THRAP3: variants seen among roughly 807,000 people sequenced by gnomAD.
THRAP3 encodes thyroid hormone receptor-associated protein 3.
Under a neutral mutation model 101.0 loss-of-function variants are expected in THRAP3, and 16 were observed. The ratio of observed to expected loss-of-function variants is 0.16; its 90% confidence interval spans 0.11 to 0.24. The LOEUF (loss-of-function observed/expected upper bound fraction) is 0.24, where lower values mean the gene tolerates loss of function less well. THRAP3 is among the 10% of genes least tolerant of loss of function. The probability of loss-of-function intolerance (pLI) is 1.00; values close to 1 mark genes in which losing one functional copy is unlikely to be tolerated. For synonymous variants in THRAP3, 407 were observed against 422.6 expected (o/e 0.96, Z 0.45); for missense variants, 989 against 1,202.7 (o/e 0.82, Z 2.63).
At chr1:36,292,256 C>CTGTTTTTTTTTTT (rs1645881325) in intron 6 of THRAP3, among the ~76,000 whole-genome samples, 1 of 54,534 alleles carries the variant, frequency 1.8e-5, no homozygotes, top group African/African-American at 5.6e-5. Flanking sequence ...TAATGTGTTT[C>CTGTTTTTTTTTTT]TTTGTTTCTT....
chr1:36,242,593 C>G (rs1387394168), intron 1 of THRAP3, among the ~76,000 whole-genome samples: 1 of 151,884 alleles, frequency 6.6e-6, no homozygotes, highest in African/African-American at 2.4e-5. Flanking sequence ...GCTGGGACTA[C>G]AGGCGCCAGC....
chr1:36,208,730 G>T, the THRAP3 span, among the ~76,000 whole-genome samples: 1 of 151,816 alleles, frequency 6.6e-6, no homozygotes, highest in Non-Finnish European at 1.5e-5. Context: ...GCAGTGGCAC[G>T]ATCTCGCCTC....
At chr1:36,244,722 GT>G (rs571871133) in intron 1 of THRAP3, among the ~76,000 whole-genome samples, 251 of 142,030 alleles carry the variant, frequency 1.8e-3, no homozygotes, top group African/African-American at 2.3e-3. Context: ...TTACTTGTGG[GT>G]TTTTTTTTTT....
chr1:36,240,675 C>A (rs1557810696), intron 1 of THRAP3, among the ~76,000 whole-genome samples: 1 of 152,120 alleles, frequency 6.6e-6, no homozygotes, highest in Non-Finnish European at 1.5e-5. Context: ...ACCATCACAG[C>A]CCTTAACATT....
intron 2 of THRAP3, among the ~76,000 whole-genome samples, chr1:36,281,118 G>A (rs917726597): frequency 1.3e-5 from 2 of 151,946 alleles, no homozygotes; most frequent in Non-Finnish European, 1.5e-5. Flanking sequence ...TGTTGGCCAC[G>A]CTGGTCTTGA....
At chr1:36,272,373 A>T (rs1645603163) in intron 2 of THRAP3, among the ~76,000 whole-genome samples, 1 of 152,212 alleles carries the variant, frequency 6.6e-6, no homozygotes, top group South Asian at 2.1e-4. Flanking sequence ...ATAGCAGAGT[A>T]CATGTCATGA....
the THRAP3 span, among the ~76,000 whole-genome samples, chr1:36,214,783 C>T: frequency 1.3e-5 from 2 of 151,324 alleles, no homozygotes; most frequent in Admixed American, 6.6e-5. Flanking sequence ...CGCTTGAACC[C>T]GGGAGGTGGA....
intron 2 of THRAP3, among the ~76,000 whole-genome samples, chr1:36,278,579 T>C (rs1433768295): frequency 6.6e-6 from 1 of 152,146 alleles, no homozygotes; most frequent in East Asian, 1.9e-4. Flanking sequence ...AACAAATTCT[T>C]TCTCCTAGTG....
intron 5 of THRAP3, among the ~76,000 whole-genome samples, 181 bp downstream of exon 5, chr1:36,289,945 A>AG (rs1645844711): frequency 6.6e-6 from 1 of 152,080 alleles, no homozygotes; most frequent in African/African-American, 2.4e-5. Flanking sequence ...GTGCTTTTGA[A>AG]GGGGGGCAGT....
chr1:36,224,205 C>G (rs926050759), upstream of THRAP3, among the ~76,000 whole-genome samples: 13 of 152,256 alleles, frequency 8.5e-5, no homozygotes, highest in African/African-American at 2.4e-4. Context: ...TCCTCCATCT[C>G]CAGGCCACCC....
intron 8 of THRAP3, chr1:36,294,272 C>A: frequency 9.8e-7 from 1 of 1,016,818 alleles, no homozygotes; most frequent in Non-Finnish European, 1.2e-6. Flanking sequence ...TGTATACATG[C>A]ACTATTTCCA....
chr1:36,222,957 C>G (rs1006455386), upstream of THRAP3, among the ~76,000 whole-genome samples: 1 of 151,948 alleles, frequency 6.6e-6, no homozygotes, highest in African/African-American at 2.4e-5. Context: ...GGCGAAACCC[C>G]GTCTCCACAA....
At chr1:36,268,613 C>T (rs1295622529) in intron 2 of THRAP3, among the ~76,000 whole-genome samples, 2 of 152,152 alleles carry the variant, frequency 1.3e-5, no homozygotes, top group African/African-American at 4.8e-5. Context: ...AGCGATACTC[C>T]TGTCTCAGCT....
intron 2 of THRAP3, among the ~76,000 whole-genome samples, chr1:36,268,611 T>C (rs1333805534): frequency 2.0e-5 from 3 of 152,228 alleles, no homozygotes; most frequent in East Asian, 1.9e-4. Context: ...CAAGCGATAC[T>C]CCTGTCTCAG....
intron 1 of THRAP3, among the ~76,000 whole-genome samples, chr1:36,249,396 T>G (rs1645270691): frequency 6.6e-6 from 1 of 151,998 alleles, no homozygotes; most frequent in Non-Finnish European, 1.5e-5. Context: ...TTTCACCGTG[T>G]TAGCCAGGAT....
chr1:36,275,675 A>C (rs914041842), intron 2 of THRAP3, among the ~76,000 whole-genome samples: 3 of 150,336 alleles, frequency 2.0e-5, no homozygotes, highest in Non-Finnish European at 3.0e-5. Flanking sequence ...CAACAGCATG[A>C]TAAGAATAGT....
intron 2 of THRAP3, among the ~76,000 whole-genome samples, chr1:36,270,654 T>C (rs1645579744): frequency 6.8e-6 from 1 of 146,310 alleles, no homozygotes. Flanking sequence ...CTTGGCTCAC[T>C]GCAACCTCTG....
intron 2 of THRAP3, among the ~76,000 whole-genome samples, chr1:36,269,837 A>G (rs193142929): frequency 4.9e-4 from 75 of 152,094 alleles, no homozygotes; most frequent in African/African-American, 1.7e-3. Context: ...TCAACCTCCC[A>G]AAGTGCTGGG....
chr1:36,233,335 G>A (rs565367761), intron 1 of THRAP3, among the ~76,000 whole-genome samples: 80 of 151,564 alleles, frequency 5.3e-4, no homozygotes, highest in African/African-American at 1.9e-3. Flanking sequence ...GTGAAACCTC[G>A]TCTCTACTAA....
Sources: allele counts gnomAD v4.1 joint callset (sites outside exome capture counted in the v4.1 genomes callset), GRCh38; gene constraint gnomAD v4.1.1; transcripts MANE v1.5; gene names NCBI Gene and HGNC (gene_info 2026-07-23, HGNC 2026-07-21).